The following SNX20 variants were observed in gnomAD, a reference collection of about 807,000 sequenced individuals.
The protein encoded by SNX20 is sorting nexin 20, also known as sorting nexin-20.
A neutral mutation model predicts 24.5 loss-of-function variants in SNX20; 21 were observed. The ratio of observed to expected loss-of-function variants is 0.86; its 90% CI spans 0.61 to 1.23. The LOEUF is 1.23. SNX20 is among the 50% of genes most tolerant of loss of function. The probability of loss-of-function intolerance (pLI) is 0.00; values close to 1 mark genes in which losing one functional copy is unlikely to be tolerated. For missense variants in SNX20, 433 were observed against 430.8 expected (o/e 1.00, Z -0.04); for synonymous variants, 206 against 192.8 (o/e 1.07, Z -0.57).
At chr16:50,668,771 A>T, downstream of SNX20, 1 of 1,199,900 alleles carries the variant, frequency 8.3e-7, no homozygotes, top group Non-Finnish European at 1.0e-6. Flanking sequence ...GAGCCAACCT[A>T]CCCCTACCAG....
At chr16:50,668,712 G>C, downstream of SNX20, 1 of 1,083,556 alleles carries the variant, frequency 9.2e-7, no homozygotes, top group Non-Finnish European at 1.1e-6. Context: ...ACGTGGCTGG[G>C]CACAGCTTGG....
rs17846633 is a variant in SNX20, at chr16:50,677,424, G to A, written c.103C>T (p.Pro35Ser). 1 of 1,607,170 alleles carries A rather than the reference G, an allele frequency of 6.2e-7. No individual in the cohort carries two copies. The highest frequency in any genetic ancestry group is 8.5e-7 in the Non-Finnish European group (1 of 1,176,494). ...AAGTGCCCGTCAGGTCCTGGGTGCG[G>A]GAGGTCGGGGCCAGTGGCTGGTGCT... ...QEAPATGPDL[P>S]HPGPDGHLDT... is the part of the protein sequence containing the mutation. The change falls in exon 2 of 4, where the codon CCG becomes TCG. Residue 35 changes from proline (P) to serine (S), a missense_variant. Coordinates refer to ENST00000330943, the MANE Select transcript of SNX20 (RefSeq NM_182854.4).
intron 3 of SNX20, 104 bp from the exon 4 acceptor site, chr16:50,674,178 GA>G: frequency 7.2e-7 from 1 of 1,380,572 alleles, no homozygotes; most frequent in South Asian, 1.7e-5. Flanking sequence ...AGCATGCCCT[GA>G]AAACGGGCGA....
At chr16:50,671,120 G>A (rs1158710370), downstream of SNX20, 2 of 99,908 alleles carry the variant, frequency 2.0e-5, no homozygotes, top group African/African-American at 8.1e-5. Flanking sequence ...CTGTGATTTT[G>A]AGATGACTTT....
At position 50,673,744 on chromosome 16, in the gene SNX20, G is replaced by GGGCGCGCGGGTACTGGCC. The variant is rs1250121316; in HGVS notation, c.595_612dup (p.Gly199_Ala204dup). On this transcript the variant is annotated inframe_insertion, in exon 4 of 4. Coordinates refer to ENST00000330943, the MANE Select transcript of SNX20 (RefSeq NM_182854.4). This position sits in a 1 kb window ranked among gnomAD's most constrained non-coding sequence, Gnocchi z 4.1. Reference sequence around the variant, plus strand: ...GGCAGCACGCGCAGCAGCAGCTCCAGGGCGCGCGGGTACTGGCCGGCCCGC... The same window carrying GGGCGCGCGGGTACTGGCC: ...GGCAGCACGCGCAGCAGCAGCTCCAGGGCGCGCGGGTACTGGCCGGCGCGCGGGTACTGGCCGGCCCGC... 1.3e-6 allele frequency: 2 copies of GGGCGCGCGGGTACTGGCC among 1,507,004 alleles called. No homozygotes were observed. Among genetic ancestry groups the GGGCGCGCGGGTACTGGCC allele is most frequent in the Non-Finnish European group, 8.8e-7 (1 of 1,135,114 alleles). 93.4% of individuals were successfully genotyped at this position (1,507,004 alleles called of 1,614,324 possible).
intron 1 of SNX20, among the ~76,000 whole-genome samples, chr16:50,679,031 C>T (rs532093936): frequency 6.6e-6 from 1 of 151,666 alleles, no homozygotes; most frequent in East Asian, 1.9e-4. Context: ...GAGAAAGGGA[C>T]AATTAAAACA....
At chr16:50,675,949 G>A (rs775736381) in intron 2 of SNX20, 28 bp from the exon 3 acceptor site, 1 of 1,573,226 alleles carries the variant, frequency 6.4e-7, no homozygotes, top group Non-Finnish European at 8.6e-7. Flanking sequence ...TTAAGGATCT[G>A]CACCCTGTCA....
In SNX20 at chr16:50,673,552, G is replaced by A. The variant is rs1203021228; in HGVS notation, c.805C>T (p.Leu269=). 2 of 1,607,736 alleles carry A rather than the reference G, an allele frequency of 1.2e-6. No homozygotes were observed. The highest frequency in any genetic ancestry group is 1.7e-5 in the Admixed American group (1 of 59,806). The change falls in exon 4 of 4, where the codon CTG becomes TTG. Residue 269 remains leucine, a synonymous_variant. Transcript: ENST00000330943. This position sits in a 1 kb window ranked among gnomAD's most constrained non-coding sequence, Gnocchi z 4.1. The stretch of plus-strand genomic sequence containing the variant: ...GCCAGGCGGACCATGGCGTCCAGCA[G>A]AGGCGCATAGTAGCGATGGCCCTCC... ...AREGHRYYAP[L]LDAMVRLAYA...
rs117095865 is a variant in SNX20 at position 50,678,074 on chromosome 16, C to T, written c.-9-539G>A. Among the ~76,000 whole-genome samples, 52 of 152,126 alleles carry T rather than the reference C, an allele frequency of 3.4e-4. No individual in the cohort carries two copies. The East Asian group carries it at 5.4e-3, about 16-fold the overall frequency. ...ATAAAAAAAAATTATCCAGGATGCA[C>T]GCCTGTGGTCCCAGCTACTTGGGAG... On this transcript the variant is annotated intron_variant, in intron 1 of 3. Coordinates refer to ENST00000330943, the MANE Select transcript of SNX20 (RefSeq NM_182854.4).
rs1455291337 is a variant in SNX20 at position 50,677,509 on chromosome 16, G to A, written c.18C>T (p.His6=). 3.1e-6 allele frequency: 5 copies of A among 1,598,248 alleles called. No homozygotes were observed. In the South Asian group the frequency reaches 5.6e-5, roughly 18 times the overall value. ...GTCCCATGCAGCCAGGGCTCCCAGG[G>A]TGCTCTGGACTTGCCATGCTCCAAG... MASPE[H]PGSPGCMGPI... Residue 6 remains histidine, a synonymous_variant, in exon 2 of 4, where the codon CAC becomes CAT. Coordinates refer to ENST00000330943, the MANE Select transcript of SNX20 (RefSeq NM_182854.4).
downstream of SNX20, chr16:50,668,019 G>A: frequency 6.4e-7 from 1 of 1,551,698 alleles, no homozygotes; most frequent in Non-Finnish European, 8.7e-7. Context: ...TTGATATCAG[G>A]GTGTGGCGTC....
intron 1 of SNX20, 40 bp from the exon 2 acceptor site, chr16:50,677,575 T>G (rs771903004): frequency 6.8e-7 from 1 of 1,460,362 alleles, no homozygotes; most frequent in East Asian, 2.6e-5. Flanking sequence ...CCCACTCCAG[T>G]TGGGGTTCCC....
At chr16:50,670,488 T>G (rs1385022586), downstream of SNX20, 1 of 152,132 alleles carries the variant, frequency 6.6e-6, no homozygotes, top group Non-Finnish European at 1.5e-5. Flanking sequence ...GGACCCAGCT[T>G]TTGAGGGGTC....
downstream of SNX20, chr16:50,669,359 G>A (rs527763703): frequency 4.5e-5 from 24 of 539,264 alleles, no homozygotes; most frequent in South Asian, 3.7e-4. Context: ...GGGGGAGTTC[G>A]TGACTTACAT....
At chr16:50,668,963 G>A (rs1962977529), downstream of SNX20, 1 of 1,536,704 alleles carries the variant, frequency 6.5e-7, no homozygotes, top group African/African-American at 1.4e-5. Flanking sequence ...CACTGACCCT[G>A]CACCCCTAGG....
intron 1 of SNX20, among the ~76,000 whole-genome samples, chr16:50,679,369 G>A (rs1164600674): frequency 6.6e-6 from 1 of 152,216 alleles, no homozygotes; most frequent in Non-Finnish European, 1.5e-5. Context: ...GCTGGGGCCT[G>A]GAGCCTGCAC....
chr16:50,678,261 G>A (rs373709841), intron 1 of SNX20, among the ~76,000 whole-genome samples: 6 of 152,044 alleles, frequency 3.9e-5, no homozygotes, highest in Admixed American at 3.3e-4. Flanking sequence ...ATCTTCTATC[G>A]ATCAATCAAT....
At chr16:50,670,209 G>A (rs968967109), downstream of SNX20, 7 of 152,372 alleles carry the variant, frequency 4.6e-5, no homozygotes, top group African/African-American at 1.7e-4. Context: ...GAGGGCCCGG[G>A]TGGAGAGAAG....
chr16:50,667,090 T>C (rs1360717155), downstream of SNX20: 2 of 152,276 alleles, frequency 1.3e-5, no homozygotes, highest in Non-Finnish European at 2.9e-5. Context: ...CAAAAGGGTC[T>C]GCACGGCCCA....
Sources: gnomAD v4.1 joint callset for allele counts (sites outside exome capture counted in the v4.1 genomes callset) on GRCh38, gnomAD v4.1.1 for gene constraint, Gnocchi (gnomAD v3.1) non-coding constraint, MANE v1.5 for transcripts, NCBI Gene and HGNC (gene_info 2026-07-23, HGNC 2026-07-21) for gene names.